AUNIP: variants seen among roughly 807,000 people sequenced by gnomAD.
AUNIP encodes aurora kinase A and ninein interacting protein, also known as aurora kinase A- and ninein-interacting protein.
Under a neutral mutation model 12.2 loss-of-function variants are expected in AUNIP, and 16 were observed. That is an observed-to-expected ratio of 1.31 (90% CI 0.88 to 1.99). AUNIP has a LOEUF of 1.99. AUNIP is among the 30% of genes most tolerant of loss of function. The pLI, the probability that AUNIP is intolerant of heterozygous loss-of-function variation, is 0.00. For synonymous variants in AUNIP, 142 were observed against 154.8 expected (o/e 0.92, Z 0.61); for missense variants, 411 against 419.1 (o/e 0.98, Z 0.17).
chr1:25,844,763 T>C (rs2048371007), intron 1 of AUNIP, among the ~76,000 whole-genome samples: 1 of 152,184 alleles, frequency 6.6e-6, no homozygotes, highest in Admixed American at 6.5e-5. Flanking sequence ...CACTCCTTCT[T>C]CCTTTATGCT....
At chr1:25,832,172 G>C (rs1252010973), downstream of AUNIP, 7 of 1,547,310 alleles carry the variant, frequency 4.5e-6, no homozygotes, top group Non-Finnish European at 6.1e-6. Context: ...AAAGAGAAGA[G>C]CTGGATTATA....
At chr1:25,853,175 T>C (rs1371902386) in intron 1 of AUNIP, among the ~76,000 whole-genome samples, 5 of 152,234 alleles carry the variant, frequency 3.3e-5, no homozygotes, top group Admixed American at 3.3e-4. Context: ...CTTTTTTCCT[T>C]GTTGATATCC....
At chr1:25,858,519 A>G (rs541728962) in intron 1 of AUNIP, among the ~76,000 whole-genome samples, 7 of 152,356 alleles carry the variant, frequency 4.6e-5, no homozygotes, top group Non-Finnish European at 8.8e-5. Context: ...AACACTTAGC[A>G]CCAGCATAAA....
downstream of AUNIP, chr1:25,832,709 T>G (rs2048262515): frequency 6.4e-6 from 1 of 155,940 alleles, no homozygotes; most frequent in South Asian, 1.9e-4. Flanking sequence ...GATTAAAAAC[T>G]TTCTCTTCCA....
chr1:25,834,121 G>A lies in AUNIP; in HGVS notation c.*872C>T, dbSNP rs894904716. 3 of 984,956 alleles carry A rather than the reference G, an allele frequency of 3.0e-6. No homozygotes were observed. In the Admixed American group the frequency reaches 1.8e-4, roughly 61 times the overall value. The allele number at this position is 984,956 out of a possible 1,614,324, so 61.0% of individuals were successfully genotyped here. A position where few individuals can be genotyped will look rare whatever the true frequency, so the allele number is the denominator to read the frequency against. ...TGTTGTACAGCTCAGGCTTTTTAAG[G>A]GAGATATTTAAACATAGAGTATATA... On this transcript the variant is annotated 3_prime_UTR_variant, in exon 3 of 3. Transcript: ENST00000374298.
chr1:25,840,555 G>A (rs2048341460), intron 1 of AUNIP, among the ~76,000 whole-genome samples: 1 of 152,062 alleles, frequency 6.6e-6, no homozygotes, highest in Admixed American at 6.6e-5. Context: ...TTCTTCTTAT[G>A]TGACTATGAC....
rs2048278743 is a variant in AUNIP, at chr1:25,834,221, C to T, written c.*772G>A. 4.1e-6 allele frequency: 4 copies of T among 985,098 alleles called. No individual in the cohort carries two copies. Among genetic ancestry groups the T allele is most frequent in the Admixed American group, 6.1e-5 (1 of 16,262 alleles). The allele number at this position is 985,098 out of a possible 1,614,324, so 61.0% of individuals were successfully genotyped here. On this transcript the variant is annotated 3_prime_UTR_variant, in exon 3 of 3. Coordinates refer to ENST00000374298, the MANE Select transcript of AUNIP (RefSeq NM_024037.3). ...CCATTCTACCTCTCTTCTCTCCACA[C>T]CTGGGTTGTGGGGAGATTTGCTAAT...
rs1159770557 is a variant in AUNIP, at chr1:25,854,953, C to CTTT, written c.78+4324_78+4326dup. On this transcript the variant is annotated intron_variant, in intron 1 of 2. Coordinates refer to ENST00000374298, the MANE Select transcript of AUNIP (RefSeq NM_024037.3). ...TTATGACCTAGATTCAGAATTCTTT[C>CTTT]TTTTTTTTTTTTTTTTTTTTTGAGA... Among the ~76,000 whole-genome samples, 396 of 121,078 alleles carry CTTT rather than the reference C, an allele frequency of 3.3e-3. 7 individuals carry two copies. The highest frequency in any genetic ancestry group is 0.012 in the African/African-American group (345 of 29,830). 79.4% of individuals were successfully genotyped at this position (121,078 alleles called of 152,430 possible). A position where few individuals can be genotyped will look rare whatever the true frequency, so the allele number is the denominator to read the frequency against.
rs2048282841 is a variant in AUNIP, at chr1:25,834,558, A to C, written c.*435T>G. The C allele has an allele frequency of 1.2e-6, 1 of 858,568 alleles. No individual in the cohort carries two copies. Among genetic ancestry groups the C allele is most frequent in the Non-Finnish European group, 1.4e-6 (1 of 716,272 alleles). 53.2% of individuals were successfully genotyped at this position (858,568 alleles called of 1,614,324 possible). A position where few individuals can be genotyped will look rare whatever the true frequency, so the allele number is the denominator to read the frequency against. ...CTTGAATCCGGGAGACAGAGGGTGC[A>C]GTGAGCTGAGGTCGCACCACTGCAC... On this transcript the variant is annotated 3_prime_UTR_variant, in exon 3 of 3. Coordinates refer to ENST00000374298, the MANE Select transcript of AUNIP (RefSeq NM_024037.3).
At position 25,859,387 on chromosome 1, in the gene AUNIP, G is replaced by GCCGGCGCAGGCTC. The variant is rs1553125053; in HGVS notation, c.-43_-31dup. The GCCGGCGCAGGCTC allele has an allele frequency of 3.7e-5, 55 of 1,481,994 alleles. No homozygotes were observed. The South Asian group carries it at 4.9e-4, about 13-fold the overall frequency. 91.8% of individuals were successfully genotyped at this position (1,481,994 alleles called of 1,614,324 possible). ...GCTGAGGAGACGAAGCCGGCAGGAC[G>GCCGGCGCAGGCTC]CCGGCGCAGGCTCCCGGCGCCTCAG... On this transcript the variant is annotated 5_prime_UTR_variant, in exon 1 of 3. Coordinates refer to ENST00000374298, the MANE Select transcript of AUNIP (RefSeq NM_024037.3).
At chr1:25,832,962 G>A (rs1281372956), downstream of AUNIP, 1 of 152,194 alleles carries the variant, frequency 6.6e-6, no homozygotes, top group Non-Finnish European at 1.5e-5. Flanking sequence ...TCCATCTCTT[G>A]AGTTGCGATT....
chr1:25,835,965 G>C, intron 2 of AUNIP, 119 bp from the exon 3 acceptor site: 2 of 1,410,444 alleles, frequency 1.4e-6, no homozygotes, highest in Non-Finnish European at 1.9e-6. Flanking sequence ...GGAGTCTTAA[G>C]ACTCTTCACA....
chr1:25,849,092 T>G (rs1454837747), intron 1 of AUNIP, among the ~76,000 whole-genome samples: 1 of 152,180 alleles, frequency 6.6e-6, no homozygotes, highest in Non-Finnish European at 1.5e-5. Context: ...TCTTCAAGAC[T>G]CCTTAACTTT....
chr1:25,841,164 AC>A (rs1293942549), intron 1 of AUNIP, among the ~76,000 whole-genome samples: 1 of 152,134 alleles, frequency 6.6e-6, no homozygotes, highest in Non-Finnish European at 1.5e-5. Context: ...CTCTTAGAAG[AC>A]CCATGGCTTC....
At chr1:25,838,339 C>A (rs917149894) in intron 1 of AUNIP, among the ~76,000 whole-genome samples, 8 of 151,520 alleles carry the variant, frequency 5.3e-5, no homozygotes, top group African/African-American at 1.9e-4. Flanking sequence ...CCTGTCTCTA[C>A]TAAAAATACA....
chr1:25,833,725 G>A (rs1232511204), downstream of AUNIP, among the ~76,000 whole-genome samples: 3 of 151,760 alleles, frequency 2.0e-5, no homozygotes, highest in African/African-American at 4.8e-5. Flanking sequence ...CCACACTCCA[G>A]CCTGGGCAAG....
At chr1:25,856,535 C>A (rs965217680) in intron 1 of AUNIP, among the ~76,000 whole-genome samples, 2 of 151,572 alleles carry the variant, frequency 1.3e-5, no homozygotes, top group African/African-American at 2.4e-5. Context: ...TTCACCTGGG[C>A]AAGGTGGTGC....
Position 25,835,516 on chromosome 1 carries a change from A to T in AUNIP, c.551T>A (p.Leu184Ter), listed in dbSNP as rs372811027. 8 of 1,614,112 alleles carry T rather than the reference A, an allele frequency of 5.0e-6. No homozygotes were observed. The highest frequency in any genetic ancestry group is 1.3e-5 in the African/African-American group (1 of 74,930). ...CCCTTTTTCTTCCTTTCGGTCTAGC[A>T]AACAAGAACTTTCCAAGTCCTCGGT... ...SFTEDLESSC[L>*]LDRKEEKGDS... The change falls in exon 3 of 3, where the codon TTG (leucine) becomes TAG (stop). Residue 184 changes from leucine to a stop codon, truncating the protein, a stop_gained. Transcript: ENST00000374298. LOFTEE classifies it low-confidence loss of function (END_TRUNC).
downstream of AUNIP, among the ~76,000 whole-genome samples, chr1:25,833,770 A>C (rs2048274057): frequency 6.6e-6 from 1 of 151,502 alleles, no homozygotes; most frequent in Non-Finnish European, 1.5e-5. Context: ...ATAAAATTTA[A>C]GTTAAAAAAA....
Sources: allele counts gnomAD v4.1 joint callset (sites outside exome capture counted in the v4.1 genomes callset), GRCh38; gene constraint gnomAD v4.1.1; transcripts MANE v1.5; gene names NCBI Gene and HGNC (gene_info 2026-07-23, HGNC 2026-07-21).